Variants in CNIH4 observed in about 807,000 individuals in gnomAD.
CNIH4 encodes the protein cornichon family member 4.
In CNIH4, 9 loss-of-function variants were observed where a neutral mutation model predicts 21.5. That is an observed-to-expected ratio of 0.42 (90% CI 0.25 to 0.73). The LOEUF (loss-of-function observed/expected upper bound fraction) is 0.73. Among genes scored for constraint, CNIH4 ranks in the 30% least tolerant of loss-of-function variants. CNIH4 has a pLI of 0.27. For synonymous variants in CNIH4, 67 were observed against 59.1 expected, an observed-to-expected ratio of 1.13 and a Z score of -0.61; for missense variants, 159 against 170.0, an observed-to-expected ratio of 0.94 and a Z score of 0.36.
At chr1:224,375,267 A>G (rs963125026) in intron 4 of CNIH4, among the ~76,000 whole-genome samples, 1 of 152,234 alleles carries the variant, frequency 6.6e-6, no homozygotes, top group Admixed American at 6.5e-5. Flanking sequence ...TGTAAGCCAC[A>G]GCAGCAGGAA....
At chr1:224,371,001 C>T (rs774877963) in intron 3 of CNIH4, among the ~76,000 whole-genome samples, 1 of 151,578 alleles carries the variant, frequency 6.6e-6, no homozygotes, top group African/African-American at 2.4e-5. Flanking sequence ...CTCAGCTTCT[C>T]GAGTAGCTGG....
At chr1:224,358,439 C>T (rs1039736892) in intron 1 of CNIH4, among the ~76,000 whole-genome samples, 1 of 152,224 alleles carries the variant, frequency 6.6e-6, no homozygotes, top group African/African-American at 2.4e-5. Context: ...TTGATGACCT[C>T]TATGCCCCTC....
chr1:224,369,222 T>C (rs1672553304), intron 3 of CNIH4, among the ~76,000 whole-genome samples: 3 of 152,224 alleles, frequency 2.0e-5, no homozygotes, highest in Admixed American at 6.5e-5. Flanking sequence ...AGAATTAATA[T>C]GAAAGATTGG....
intron 4 of CNIH4, among the ~76,000 whole-genome samples, chr1:224,371,943 A>G (rs1028473844): frequency 6.6e-6 from 1 of 152,154 alleles, no homozygotes; most frequent in Non-Finnish European, 1.5e-5. Context: ...ACTCTGTTTC[A>G]TATTTTTTTC....
intron 3 of CNIH4, among the ~76,000 whole-genome samples, chr1:224,367,930 A>G (rs1396497432): frequency 6.6e-6 from 1 of 152,216 alleles, no homozygotes; most frequent in Non-Finnish European, 1.5e-5. Context: ...ATACCAGACC[A>G]TACTGTCAGT....
Position 224,379,292 on chromosome 1 carries a change from T to C in CNIH4, c.*3470T>C, listed in dbSNP as rs1300457758. 1.3e-5 allele frequency: 8 copies of C among 601,262 alleles called. No homozygotes were observed. The highest frequency in any genetic ancestry group is 1.2e-4 in the Admixed American group (4 of 34,598). 37.2% of individuals were successfully genotyped at this position (601,262 alleles called of 1,614,324 possible). A position where few individuals can be genotyped will look rare whatever the true frequency, so the allele number is the denominator to read the frequency against. ...CCCATGGCACTTACCACATTCTATC[T>C]GGTATTACAGTTATTTGTATGCAAT... On this transcript the variant is annotated 3_prime_UTR_variant, in exon 5 of 5. Transcript: ENST00000465271.
chr1:224,367,295 T>TA (rs1423115745), intron 3 of CNIH4, among the ~76,000 whole-genome samples: 1 of 151,830 alleles, frequency 6.6e-6, no homozygotes, highest in African/African-American at 2.4e-5. Context: ...CAGAAAAAAA[T>TA]AAAGTAGGGT....
At position 224,365,614 on chromosome 1, in the gene CNIH4, A is replaced by T. The variant is rs559568070; in HGVS notation, c.139-265A>T. ...TCTTTTTTTCTCTAGTTCTCATTCAAATCTGCTTAATGAATGAACCTAAGC... is the reference window on the plus strand; with the variant it reads ...TCTTTTTTTCTCTAGTTCTCATTCATATCTGCTTAATGAATGAACCTAAGC... On this transcript the variant is annotated intron_variant, in intron 2 of 4. Transcript: ENST00000465271. Among the ~76,000 whole-genome samples the T allele has an allele frequency of 9.2e-5, 14 of 152,230 alleles. No individual in the cohort carries two copies. Among genetic ancestry groups the T allele is most frequent in the Admixed American group, 7.9e-4 (12 of 15,284 alleles).
At chr1:224,368,510 C>G (rs1672530160) in intron 3 of CNIH4, among the ~76,000 whole-genome samples, 1 of 152,174 alleles carries the variant, frequency 6.6e-6, no homozygotes, top group Non-Finnish European at 1.5e-5. Flanking sequence ...TTGCTATTTT[C>G]AGACCACTAT....
chr1:224,358,518 G>A (rs557908815), intron 1 of CNIH4, among the ~76,000 whole-genome samples: 1 of 152,342 alleles, frequency 6.6e-6, no homozygotes, highest in African/African-American at 2.4e-5. Flanking sequence ...GTCCAGGACA[G>A]CTTTGAATGT....
intron 1 of CNIH4, among the ~76,000 whole-genome samples, chr1:224,359,554 A>G (rs1330249345): frequency 1.3e-5 from 2 of 152,150 alleles, no homozygotes; most frequent in Middle Eastern, 3.2e-3. Flanking sequence ...GGAGAAAGTG[A>G]TGAGTTTGAC....
intron 1 of CNIH4, among the ~76,000 whole-genome samples, chr1:224,359,014 A>C (rs916992165): frequency 2.6e-5 from 4 of 152,220 alleles, no homozygotes; most frequent in African/African-American, 9.6e-5. Flanking sequence ...GAAGAGGTGA[A>C]TATTCCAAAT....
chr1:224,371,387 G>A lies in CNIH4; in HGVS notation c.356G>A (p.Gly119Asp), dbSNP rs745834213. The A allele has an allele frequency of 2.5e-6, 4 of 1,614,048 alleles. No individual in the cohort carries two copies. Among genetic ancestry groups the A allele is most frequent in the Non-Finnish European group, 3.4e-6 (4 of 1,180,008 alleles). The stretch of plus-strand genomic sequence containing the variant: ...ATGAAAGAAGCCATGATCAAGCTTG[G>A]TTTCCACTTGCTCTGCTTCTTCATG... Reference protein sequence around the residue: ...SHMKEAMIKLGFHLLCFFMYL... With the variant: ...SHMKEAMIKLDFHLLCFFMYL... The change falls in exon 4 of 5, where the codon GGT (glycine) becomes GAT (aspartate). Residue 119 changes from glycine (G) to aspartate (D), a missense_variant. By Grantham distance (94) the Gly-to-Asp change is moderately conservative. Transcript: ENST00000465271.
intron 4 of CNIH4, among the ~76,000 whole-genome samples, chr1:224,372,001 A>G (rs944247381): frequency 6.6e-6 from 1 of 152,170 alleles, no homozygotes; most frequent in African/African-American, 2.4e-5. Flanking sequence ...TGTTATAAGC[A>G]TTAATATATG....
In CNIH4 at chr1:224,376,673, G is replaced by A. The variant is rs1433184589; in HGVS notation, c.*851G>A. On this transcript the variant is annotated 3_prime_UTR_variant, in exon 5 of 5. Transcript: ENST00000465271. ...GAAATTGAGCCTTTTGGTGCGCCAC[G>A]TGGTGCCAGATCAACACTTCTATCC... 8 of 985,302 alleles carry A rather than the reference G, an allele frequency of 8.1e-6. No homozygotes were observed. The highest frequency in any genetic ancestry group is 1.7e-5 in the African/African-American group (1 of 57,224). The allele number at this position is 985,302 out of a possible 1,614,324, so 61.0% of individuals were successfully genotyped here. A position where few individuals can be genotyped will look rare whatever the true frequency, so the allele number is the denominator to read the frequency against.
intron 1 of CNIH4, among the ~76,000 whole-genome samples, chr1:224,358,778 G>A (rs1672189544): frequency 6.6e-6 from 1 of 152,148 alleles, no homozygotes; most frequent in South Asian, 2.1e-4. Flanking sequence ...AATAGCCCTG[G>A]TTTACACCAA....
intron 2 of CNIH4, among the ~76,000 whole-genome samples, chr1:224,362,642 A>G (rs1209533518): frequency 1.3e-5 from 2 of 151,492 alleles, no homozygotes; most frequent in Non-Finnish European, 2.9e-5. Context: ...GGCGCCTGCC[A>G]CCATGCCTGG....
chr1:224,374,451 G>C (rs944716406), intron 4 of CNIH4, among the ~76,000 whole-genome samples: 1 of 139,652 alleles, frequency 7.2e-6, no homozygotes, highest in African/African-American at 2.7e-5. Flanking sequence ...CTCACACTCT[G>C]TCCCCCAGGC....
Position 224,376,171 on chromosome 1 carries a change from C to A in CNIH4, c.*349C>A, listed in dbSNP as rs561403073. 2 of 1,023,794 alleles carry A rather than the reference C, an allele frequency of 2.0e-6. No homozygotes were observed. The highest frequency in any genetic ancestry group is 8.4e-5 in the East Asian group (1 of 11,868). 63.4% of individuals were successfully genotyped at this position (1,023,794 alleles called of 1,614,324 possible). A position where few individuals can be genotyped will look rare whatever the true frequency, so the allele number is the denominator to read the frequency against. On this transcript the variant is annotated 3_prime_UTR_variant, in exon 5 of 5. Coordinates refer to ENST00000465271, the MANE Select transcript of CNIH4 (RefSeq NM_014184.4). ...TTAAAGGGCAAACTGAAGAGATGAG[C>A]GAGCAAAGGTGCCCTTCAGGTCTAC...
Sources: allele counts gnomAD v4.1 joint callset (sites outside exome capture counted in the v4.1 genomes callset), GRCh38; gene constraint gnomAD v4.1.1; transcripts MANE v1.5; gene names NCBI Gene and HGNC (gene_info 2026-07-23, HGNC 2026-07-21).